The following PLCB1 variants were observed in gnomAD, a reference collection of about 807,000 sequenced individuals.
PLCB1 encodes phospholipase C beta 1.
Under a neutral mutation model 161.8 loss-of-function variants are expected in PLCB1, and 46 were observed. The observed-to-expected ratio is 0.28, with a 90% CI of 0.22 to 0.36. The LOEUF (loss-of-function observed/expected upper bound fraction) is 0.36, where lower values mean the gene tolerates loss of function less well. Among genes scored for constraint, PLCB1 ranks in the 10% least tolerant of loss-of-function variants. PLCB1 has a pLI of 1.00. For synonymous variants in PLCB1, 517 were observed against 503.7 expected (o/e 1.03, Z -0.35); for missense variants, 1,016 against 1,472.5 (o/e 0.69, Z 5.07).
At chr20:8,368,528 CAAAAAA>C (rs1216338206) in intron 2 of PLCB1, among the ~76,000 whole-genome samples, 1 of 63,830 alleles carries the variant, frequency 1.6e-5, no homozygotes, top group African/African-American at 6.0e-5. Context: ...CTCTGTCTCT[CAAAAAA>C]AAAAAAAAAA....
At chr20:8,684,232 AT>A (rs1252382486) in intron 9 of PLCB1, among the ~76,000 whole-genome samples, 7 of 38,316 alleles carry the variant, frequency 1.8e-4, no homozygotes, top group Non-Finnish European at 2.5e-4. Context: ...CTTGTAAATT[AT>A]TTATTTATTT....
intron 31 of PLCB1, among the ~76,000 whole-genome samples, chr20:8,863,837 T>C (rs1987336001): frequency 6.9e-6 from 1 of 145,174 alleles, no homozygotes; most frequent in African/African-American, 2.5e-5. Flanking sequence ...CTATCCAGAG[T>C]TGAAAACCCT....
At chr20:8,595,149 T>G (rs1987291130) in intron 3 of PLCB1, among the ~76,000 whole-genome samples, 1 of 151,922 alleles carries the variant, frequency 6.6e-6, no homozygotes. Context: ...GTGCACATTG[T>G]GCAGGTTAGT....
At chr20:8,860,717 A>C (rs1256548922) in intron 31 of PLCB1, among the ~76,000 whole-genome samples, 1 of 152,216 alleles carries the variant, frequency 6.6e-6, no homozygotes, top group Non-Finnish European at 1.5e-5. Context: ...AATTAGTATA[A>C]TGTCAGTGCA....
At chr20:8,671,918 C>CA (rs1262324696) in intron 9 of PLCB1, among the ~76,000 whole-genome samples, 11 of 152,190 alleles carry the variant, frequency 7.2e-5, no homozygotes, top group Non-Finnish European at 1.6e-4. Context: ...TCCGTGTACT[C>CA]AACTGAAAAT....
chr20:8,870,112 G>A (rs1278823780), intron 31 of PLCB1, among the ~76,000 whole-genome samples: 17 of 152,152 alleles, frequency 1.1e-4, no homozygotes, highest in Admixed American at 1.1e-3. Context: ...CATAAGAGAA[G>A]CTGAGAATCA....
Position 8,792,593 on chromosome 20 carries a change from T to C in PLCB1, c.3423+2332T>C, listed in dbSNP as rs574978012. The C allele has an allele frequency of 6.4e-6, 3 of 471,340 alleles. 1 individual carries two copies. The highest frequency in any genetic ancestry group is 1.3e-5 in the Non-Finnish European group (3 of 227,098). 29.2% of individuals were successfully genotyped at this position (471,340 alleles called of 1,614,324 possible). A position where few individuals can be genotyped will look rare whatever the true frequency, so the allele number is the denominator to read the frequency against. ...CGTTTTTTATTGTAAATAGGTACCA[T>C]GATGAATTCCTCTGTGCTTTTCTTC... On this transcript the variant is annotated intron_variant, in intron 31 of 31. Transcript: ENST00000338037.
At chr20:8,369,630 C>T (rs888954588) in intron 2 of PLCB1, among the ~76,000 whole-genome samples, 5 of 152,182 alleles carry the variant, frequency 3.3e-5, no homozygotes, top group African/African-American at 1.2e-4. Context: ...GCACCAGTCA[C>T]TCTGTATTGC....
At chr20:8,862,794 C>T (rs1228920869) in intron 31 of PLCB1, among the ~76,000 whole-genome samples, 2 of 152,130 alleles carry the variant, frequency 1.3e-5, no homozygotes, top group East Asian at 3.9e-4. Context: ...AAACTAAGGA[C>T]TAAGCTAAGG....
chr20:8,705,522 C>T (rs997544901), intron 11 of PLCB1, among the ~76,000 whole-genome samples: 1 of 152,128 alleles, frequency 6.6e-6, no homozygotes, highest in Non-Finnish European at 1.5e-5. Flanking sequence ...GAAACATGCC[C>T]TTTAAAGCAA....
chr20:8,483,201 T>C (rs1443566574), intron 3 of PLCB1, among the ~76,000 whole-genome samples: 2 of 152,204 alleles, frequency 1.3e-5, no homozygotes, highest in African/African-American at 2.4e-5. Context: ...TGTAAGCACC[T>C]TAAGACAAAA....
Position 8,597,039 on chromosome 20 carries a change from C to T in PLCB1, c.247-31255C>T, listed in dbSNP as rs1262232581. Among the ~76,000 whole-genome samples the T allele has an allele frequency of 5.0e-4, 64 of 127,550 alleles. No individual in the cohort carries two copies. The South Asian group carries it at 9.1e-3, about 18-fold the overall frequency. The allele number at this position is 127,550 out of a possible 152,430, so 83.7% of individuals were successfully genotyped here. A position where few individuals can be genotyped will look rare whatever the true frequency, so the allele number is the denominator to read the frequency against. On this transcript the variant is annotated intron_variant, in intron 3 of 31. Coordinates refer to ENST00000338037, the MANE Select transcript of PLCB1 (RefSeq NM_015192.4). ...GGGTTTTCTAGATATACAGTCATGT[C>T]GTCTGCGAACAGGGACAATTTGACT...
intron 3 of PLCB1, among the ~76,000 whole-genome samples, chr20:8,465,270 G>C (rs555007533): frequency 6.6e-6 from 1 of 152,266 alleles, no homozygotes; most frequent in East Asian, 1.9e-4. Context: ...AAATCAACCA[G>C]TGGCCAATAA....
intron 2 of PLCB1, among the ~76,000 whole-genome samples, chr20:8,226,447 G>A (rs887195170): frequency 1.3e-5 from 2 of 152,038 alleles, no homozygotes; most frequent in African/African-American, 4.8e-5. Flanking sequence ...GAAGCTGGGG[G>A]CCTATAGCAA....
intron 2 of PLCB1, among the ~76,000 whole-genome samples, chr20:8,210,782 A>T (rs760061307): frequency 5.3e-5 from 8 of 152,158 alleles, no homozygotes; most frequent in Non-Finnish European, 1.0e-4. Flanking sequence ...TCAATGTCAG[A>T]CAAACTCTGA....
intron 3 of PLCB1, among the ~76,000 whole-genome samples, chr20:8,541,605 A>AAAGAAAGAAAGAAAGAAAGAAAGAAAGG (rs796318352): frequency 1.3e-3 from 191 of 149,916 alleles, no homozygotes; most frequent in Middle Eastern, 3.4e-3. Context: ...AGAAAGAAAG[A>AAAGAAAGAAAGAAAGAAAGAAAGAAAGG]AAGGAAGGAA....
intron 3 of PLCB1, among the ~76,000 whole-genome samples, chr20:8,541,739 G>C (rs1985341881): frequency 6.6e-6 from 1 of 152,142 alleles, no homozygotes; most frequent in African/African-American, 2.4e-5. Context: ...TACATAACTA[G>C]TTCCATGCTT....
At chr20:8,148,815 T>C (rs949661059) in intron 1 of PLCB1, among the ~76,000 whole-genome samples, 3 of 152,304 alleles carry the variant, frequency 2.0e-5, no homozygotes, top group Middle Eastern at 6.8e-3. Context: ...TATTATACAA[T>C]TTTACTTATA....
At chr20:8,368,273 A>G (rs1986782022) in intron 2 of PLCB1, among the ~76,000 whole-genome samples, 1 of 152,152 alleles carries the variant, frequency 6.6e-6, no homozygotes, top group Non-Finnish European at 1.5e-5. Flanking sequence ...CATGCCTGCA[A>G]TCCCAGCACT....
Sources: allele counts gnomAD v4.1 joint callset (sites outside exome capture counted in the v4.1 genomes callset), GRCh38; gene constraint gnomAD v4.1.1; transcripts MANE v1.5; gene names NCBI Gene and HGNC (gene_info 2026-07-23, HGNC 2026-07-21).